Variants in CAST observed in about 807,000 individuals in gnomAD.
The protein encoded by CAST is MIR583 host.
A neutral mutation model predicts 119.6 loss-of-function variants in CAST; 76 were observed. The ratio of observed to expected loss-of-function variants is 0.64; its 90% CI spans 0.53 to 0.77. The LOEUF is 0.77. CAST is among the 30% of genes least tolerant of loss of function. The pLI, the probability that CAST is intolerant of heterozygous loss-of-function variation, is 0.00. For missense variants in CAST, 953 were observed against 946.5 expected (o/e 1.01, Z -0.09); for synonymous variants, 319 against 331.6 (o/e 0.96, Z 0.41).
the CAST span, among the ~76,000 whole-genome samples, chr5:96,497,719 C>T: frequency 2.9e-3 from 435 of 151,656 alleles, 3 homozygotes; most frequent in Non-Finnish European, 4.9e-3. Flanking sequence ...TTTGTTTTTT[C>T]CTTGTAAATT....
At chr5:96,237,689 A>G in the CAST span, among the ~76,000 whole-genome samples, 83 of 152,066 alleles carry the variant, frequency 5.5e-4, no homozygotes, top group Non-Finnish European at 8.7e-4. Flanking sequence ...TAAACATGTA[A>G]TTTCTATTGA....
At chr5:96,356,920 G>T in the CAST span, among the ~76,000 whole-genome samples, 1 of 152,150 alleles carries the variant, frequency 6.6e-6, no homozygotes, top group Non-Finnish European at 1.5e-5. Flanking sequence ...AATTACTGTG[G>T]GCAGTATGGC....
chr5:96,194,372 A>G, the CAST span, among the ~76,000 whole-genome samples: 51 of 152,162 alleles, frequency 3.4e-4, no homozygotes, highest in Non-Finnish European at 5.6e-4. Flanking sequence ...ATGTTCTTAA[A>G]ACAGGTGATT....
At chr5:96,301,949 T>C in the CAST span, among the ~76,000 whole-genome samples, 1 of 152,188 alleles carries the variant, frequency 6.6e-6, no homozygotes, top group South Asian at 2.1e-4. Flanking sequence ...GGGGACTCTA[T>C]GTGGGCGCTT....
At chr5:96,426,644 G>C in the CAST span, among the ~76,000 whole-genome samples, 1 of 152,082 alleles carries the variant, frequency 6.6e-6, no homozygotes, top group African/African-American at 2.4e-5. Flanking sequence ...AGAGTGAGGG[G>C]CTGCCTTGTA....
the CAST span, among the ~76,000 whole-genome samples, chr5:96,289,901 T>A: frequency 6.6e-6 from 1 of 150,454 alleles, no homozygotes; most frequent in Non-Finnish European, 1.5e-5. Context: ...GCAAGACTAC[T>A]ATATAATTTT....
chr5:96,722,993 G>C (rs892465820), intron 4 of CAST, among the ~76,000 whole-genome samples: 1 of 152,088 alleles, frequency 6.6e-6, no homozygotes, highest in East Asian at 1.9e-4. Context: ...ACCTAGGCTG[G>C]AGTATAGTGG....
At chr5:96,559,333 A>G (rs1340101369) in intron 1 of CAST, among the ~76,000 whole-genome samples, 1 of 152,206 alleles carries the variant, frequency 6.6e-6, no homozygotes, top group East Asian at 1.9e-4. Flanking sequence ...CTTCTATTCA[A>G]CATAGTGTTG....
chr5:96,002,006 G>A, the CAST span, among the ~76,000 whole-genome samples: 15 of 152,054 alleles, frequency 9.9e-5, no homozygotes, highest in Non-Finnish European at 1.8e-4. Flanking sequence ...TTCTCTTCTT[G>A]GCAATAGGCA....
the CAST span, among the ~76,000 whole-genome samples, chr5:96,450,925 A>G: frequency 7.2e-5 from 11 of 152,278 alleles, no homozygotes; most frequent in African/African-American, 2.4e-4. Context: ...CAGTCACTCA[A>G]TAAATGATGA....
intron 1 of CAST, among the ~76,000 whole-genome samples, chr5:96,618,122 A>G (rs1747506355): frequency 6.6e-6 from 1 of 152,210 alleles, no homozygotes; most frequent in Admixed American, 6.5e-5. Flanking sequence ...ACGCAGTCCT[A>G]CAGGGCTAAC....
the CAST span, among the ~76,000 whole-genome samples, chr5:96,043,252 C>T: frequency 1.3e-5 from 2 of 152,002 alleles, no homozygotes; most frequent in African/African-American, 2.4e-5. Flanking sequence ...TGCAGAATGC[C>T]GACCAGTAAG....
chr5:96,150,565 G>C, the CAST span, among the ~76,000 whole-genome samples: 1 of 152,214 alleles, frequency 6.6e-6, no homozygotes, highest in Non-Finnish European at 1.5e-5. Flanking sequence ...CAGAGGCAGG[G>C]GCAGTGGAGA....
the CAST span, among the ~76,000 whole-genome samples, chr5:96,508,425 A>G: frequency 1.9e-4 from 29 of 152,162 alleles, no homozygotes; most frequent in Non-Finnish European, 3.8e-4. Context: ...TGTAGCTACG[A>G]TTATAATAGG....
At chr5:96,357,056 T>C in the CAST span, among the ~76,000 whole-genome samples, 1 of 152,194 alleles carries the variant, frequency 6.6e-6, no homozygotes, top group African/African-American at 2.4e-5. Flanking sequence ...ACATCCCTTG[T>C]AAGTTGCATT....
the CAST span, among the ~76,000 whole-genome samples, chr5:95,965,578 T>C: frequency 1.3e-5 from 2 of 152,234 alleles, no homozygotes; most frequent in Non-Finnish European, 2.9e-5. Flanking sequence ...GCTCTCTCAA[T>C]GTAGAATTTC....
At chr5:96,033,028 C>G in the CAST span, among the ~76,000 whole-genome samples, 2 of 152,028 alleles carry the variant, frequency 1.3e-5, no homozygotes, top group Non-Finnish European at 2.9e-5. Flanking sequence ...TATACTCTAA[C>G]AGCAAACTAT....
chr5:96,063,481 A>G, the CAST span, among the ~76,000 whole-genome samples: 6 of 152,098 alleles, frequency 3.9e-5, no homozygotes, highest in Non-Finnish European at 8.8e-5. Flanking sequence ...GTGCTCCTCC[A>G]TAGTTGTTGA....
chr5:96,668,808 G>A (rs1259826435), intron 1 of CAST, among the ~76,000 whole-genome samples: 1 of 115,690 alleles, frequency 8.6e-6, no homozygotes, highest in African/African-American at 5.3e-5. Flanking sequence ...GGTTACCCAG[G>A]TAAAAAAAAA....
Sources: gnomAD v4.1 joint callset for allele counts (sites outside exome capture counted in the v4.1 genomes callset) on GRCh38, gnomAD v4.1.1 for gene constraint, MANE v1.5 for transcripts, NCBI Gene and HGNC (gene_info 2026-07-23, HGNC 2026-07-21) for gene names.